Variants in ZNF83 observed in about 807,000 individuals in gnomAD.
The protein encoded by ZNF83 is zinc finger protein 83.
For synonymous variants in ZNF83, 209 were observed against 213.0 expected, an observed-to-expected ratio of 0.98 and a Z score of 0.17; for missense variants, 552 against 629.9, an observed-to-expected ratio of 0.88 and a Z score of 1.32.
intron 2 of ZNF83, among the ~76,000 whole-genome samples, chr19:52,624,377 A>G (rs986052449): frequency 6.6e-6 from 1 of 152,158 alleles, no homozygotes; most frequent in Non-Finnish European, 1.5e-5. Context: ...AACTGTGTCC[A>G]GCTGATCTCT....
chr19:52,639,092 G>C (rs570998148), upstream of ZNF83, among the ~76,000 whole-genome samples: 1 of 152,256 alleles, frequency 6.6e-6, no homozygotes, highest in South Asian at 2.1e-4. Context: ...TTGTGTAAGA[G>C]ATCTATCAGT....
chr19:52,624,976 CCA>C (rs1403915942), intron 2 of ZNF83, among the ~76,000 whole-genome samples: 2 of 152,126 alleles, frequency 1.3e-5, no homozygotes, highest in South Asian at 4.1e-4. Flanking sequence ...CCACATTATT[CCA>C]GATACCACAC....
At position 52,687,383 on chromosome 19, in the gene ZNF83, A is replaced by G. The variant is rs1394803527; in HGVS notation, c.-283+3060T>C. 1.0e-4 allele frequency among the ~76,000 whole-genome samples: 6 copies of G among 60,292 alleles called. 2 individuals are homozygous for G. Among genetic ancestry groups the G allele is most frequent in the African/African-American group, 3.9e-4 (2 of 5,074 alleles). 39.6% of individuals were successfully genotyped at this position (60,292 alleles called of 152,430 possible). A position where few individuals can be genotyped will look rare whatever the true frequency, so the allele number is the denominator to read the frequency against. ...TAAATTATAATATAAATTATAATTTATATATATATAATTTATATAGCTATA... is the reference window on the plus strand; with the variant it reads ...TAAATTATAATATAAATTATAATTTGTATATATATAATTTATATAGCTATA... On this transcript the variant is annotated intron_variant, in intron 1 of 5. Transcript: ENST00000594682.
chr19:52,626,360 A>T (rs76584281), intron 2 of ZNF83, among the ~76,000 whole-genome samples: 18,677 of 152,212 alleles, frequency 0.12, 1,240 homozygotes, highest in South Asian at 0.23. Flanking sequence ...CTGCTGAAAA[A>T]GGAGGACTCT....
chr19:52,624,694 G>A (rs571708040), intron 2 of ZNF83, among the ~76,000 whole-genome samples: 1 of 152,240 alleles, frequency 6.6e-6, no homozygotes, highest in Admixed American at 6.5e-5. Flanking sequence ...ACTGCACCCT[G>A]TAGCCTTTTT....
At position 52,676,693 on chromosome 19, in the gene ZNF83, A is replaced by G. The variant is rs1031563264; in HGVS notation, c.-283+13750T>C. 3.4e-3 allele frequency among the ~76,000 whole-genome samples: 459 copies of G among 135,900 alleles called. 14 individuals are homozygous for G. Among genetic ancestry groups the G allele is most frequent in the Middle Eastern group, 0.026 (7 of 272 alleles). 89.2% of individuals were successfully genotyped at this position (135,900 alleles called of 152,430 possible). A position where few individuals can be genotyped will look rare whatever the true frequency, so the allele number is the denominator to read the frequency against. ...GCTTTGTGGAATAGAAAGCGGGGAA[A>G]GGTGGGGAAAAGATTGAGAAATCGG... On this transcript the variant is annotated intron_variant, in intron 1 of 5. Coordinates refer to the ZNF83 transcript ENST00000594682.
intron 2 of ZNF83, among the ~76,000 whole-genome samples, chr19:52,658,919 T>C (rs2061541770): frequency 6.6e-6 from 1 of 152,216 alleles, no homozygotes; most frequent in Admixed American, 6.5e-5. Flanking sequence ...CAAGTGTGTT[T>C]ACTCAAACTT....
intron 1 of ZNF83, among the ~76,000 whole-genome samples, chr19:52,665,921 G>A (rs2061644043): frequency 6.6e-6 from 1 of 151,992 alleles, no homozygotes; most frequent in South Asian, 2.1e-4. Context: ...CCCACTTTGG[G>A]AGGCTGAGGT....
chr19:52,632,803 C>A (rs2061014742), intron 2 of ZNF83, among the ~76,000 whole-genome samples: 1 of 152,108 alleles, frequency 6.6e-6, no homozygotes, highest in East Asian at 1.9e-4. Context: ...TCCAGGCCAT[C>A]ACCAATAATT....
intron 1 of ZNF83, among the ~76,000 whole-genome samples, chr19:52,668,153 A>G (rs185414822): frequency 7.2e-5 from 11 of 152,298 alleles, no homozygotes; most frequent in Admixed American, 4.6e-4. Flanking sequence ...TTTCCAGTAC[A>G]TCAGCATCGG....
At chr19:52,655,998 C>T (rs1469351063) in intron 2 of ZNF83, among the ~76,000 whole-genome samples, 1 of 151,954 alleles carries the variant, frequency 6.6e-6, no homozygotes, top group Non-Finnish European at 1.5e-5. Context: ...ATCAACTGAG[C>T]TCAGGAGTTC....
At chr19:52,634,378 A>AT (rs2061075488) in intron 2 of ZNF83, among the ~76,000 whole-genome samples, 1 of 152,118 alleles carries the variant, frequency 6.6e-6, no homozygotes, top group African/African-American at 2.4e-5. Flanking sequence ...AATAGTAACT[A>AT]TTTTTACCAA....
At chr19:52,668,627 C>T (rs766060586) in intron 1 of ZNF83, among the ~76,000 whole-genome samples, 5 of 152,108 alleles carry the variant, frequency 3.3e-5, no homozygotes, top group Non-Finnish European at 5.9e-5. Flanking sequence ...AAAGCAAGTT[C>T]TCAGTAGTAG....
chr19:52,664,691 A>G (rs992529976), intron 1 of ZNF83, among the ~76,000 whole-genome samples: 12 of 140,186 alleles, frequency 8.6e-5, no homozygotes, highest in African/African-American at 3.1e-4. Flanking sequence ...GAAGGGATGC[A>G]GATTAAGTGG....
chr19:52,617,287 C>T (rs2060345667), intron 2 of ZNF83: 1 of 152,168 alleles, frequency 6.6e-6, no homozygotes, highest in South Asian at 2.1e-4. Flanking sequence ...GTATGTCCAC[C>T]ATCGTACAGA....
At chr19:52,688,091 G>C (rs541418217) in intron 1 of ZNF83, among the ~76,000 whole-genome samples, 1 of 152,080 alleles carries the variant, frequency 6.6e-6, no homozygotes, top group South Asian at 2.1e-4. Context: ...TAAATTATTA[G>C]ATTATATACA....
intron 2 of ZNF83, among the ~76,000 whole-genome samples, chr19:52,657,354 A>T (rs1457559860): frequency 6.6e-6 from 1 of 152,018 alleles, no homozygotes; most frequent in Non-Finnish European, 1.5e-5. Context: ...GAGGTAGCTC[A>T]TATCAGGAAT....
chr19:52,617,100 A>AGAT (rs2060337240), intron 2 of ZNF83: 1 of 152,202 alleles, frequency 6.6e-6, no homozygotes, highest in South Asian at 2.1e-4. Flanking sequence ...CTTAAAACCT[A>AGAT]GATGATGGGT....
At chr19:52,613,274 A>C (rs2060168249) in exon 3 of ZNF83, 1 of 1,614,106 alleles carries the variant, frequency 6.2e-7, no homozygotes, top group Non-Finnish European at 8.5e-7. Context: ...CATTCATTAC[A>C]TTTATAAGCT....
Sources: gnomAD v4.1 joint callset for allele counts (sites outside exome capture counted in the v4.1 genomes callset) on GRCh38, gnomAD v4.1.1 for gene constraint, MANE v1.5 for transcripts, NCBI Gene and HGNC (gene_info 2026-07-23, HGNC 2026-07-21) for gene names.